Variants in RAB39A observed in about 807,000 individuals in gnomAD.
RAB39A encodes the protein ras-related protein Rab-39A.
RAB39A carries 17 observed loss-of-function variants against 20.9 expected under a neutral mutation model. The ratio of observed to expected loss-of-function variants is 0.81; its 90% CI spans 0.56 to 1.22. RAB39A has a LOEUF of 1.22. Ranked by LOEUF, RAB39A falls within the 50% of genes most tolerant of loss-of-function variation. The pLI, the probability that RAB39A is intolerant of heterozygous loss-of-function variation, is 0.00. For synonymous variants in RAB39A, 99 were observed against 103.4 expected (o/e 0.96, Z 0.26); for missense variants, 234 against 270.5 (o/e 0.87, Z 0.95).
At chr11:107,943,056 C>G (rs1191240073) in intron 1 of RAB39A, among the ~76,000 whole-genome samples, 1 of 152,194 alleles carries the variant, frequency 6.6e-6, no homozygotes, top group Non-Finnish European at 1.5e-5. Context: ...CTGTGCAATA[C>G]TCAGTGACTA....
chr11:107,931,430 T>C (rs1010199171), intron 1 of RAB39A, among the ~76,000 whole-genome samples: 2 of 152,256 alleles, frequency 1.3e-5, no homozygotes, highest in Non-Finnish European at 2.9e-5. Flanking sequence ...TTTGTTTGGC[T>C]CTTTACCAAA....
intron 1 of RAB39A, among the ~76,000 whole-genome samples, chr11:107,960,270 A>G (rs1434137474): frequency 6.6e-6 from 1 of 152,234 alleles, no homozygotes; most frequent in East Asian, 1.9e-4. Flanking sequence ...TTTGCCATGC[A>G]GTATGATTGA....
chr11:107,943,708 C>T (rs1429069716), intron 1 of RAB39A, among the ~76,000 whole-genome samples: 2 of 152,146 alleles, frequency 1.3e-5, no homozygotes, highest in East Asian at 3.8e-4. Context: ...TCCATACAGT[C>T]TCTGTACTGG....
chr11:107,960,627 C>G (rs966341993), intron 1 of RAB39A, among the ~76,000 whole-genome samples: 1 of 152,098 alleles, frequency 6.6e-6, no homozygotes, highest in African/African-American at 2.4e-5. Context: ...TCCAGAGATA[C>G]AATCAGCATC....
intron 1 of RAB39A, among the ~76,000 whole-genome samples, chr11:107,935,450 C>CT (rs1861183767): frequency 6.6e-6 from 1 of 151,282 alleles, no homozygotes; most frequent in Non-Finnish European, 1.5e-5. Flanking sequence ...TCTCGGCTCA[C>CT]TGCAAGCTCC....
At position 107,936,143 on chromosome 11, in the gene RAB39A, G is replaced by A. The variant is rs191170936; in HGVS notation, c.227+7348G>A. Among the ~76,000 whole-genome samples, 34 of 151,726 alleles carry A rather than the reference G, an allele frequency of 2.2e-4. No homozygotes were observed. The East Asian group carries it at 5.7e-3, about 25-fold the overall frequency. ...TCGAATTCCTGACCTCAAGTGATCC[G>A]CCCACCTCGGCCTCCCAAAGTGGTG... is the stretch of plus-strand genomic sequence containing the variant. On this transcript the variant is annotated intron_variant, in intron 1 of 1. Transcript: ENST00000320578.
intron 1 of RAB39A, among the ~76,000 whole-genome samples, chr11:107,945,829 G>A (rs893566561): frequency 6.6e-6 from 1 of 152,160 alleles, no homozygotes; most frequent in African/African-American, 2.4e-5. Context: ...TCTTTGGCTG[G>A]AAGCACCAGG....
chr11:107,950,496 G>A (rs1861366545), intron 1 of RAB39A, among the ~76,000 whole-genome samples: 1 of 152,144 alleles, frequency 6.6e-6, no homozygotes, highest in African/African-American at 2.4e-5. Context: ...TCTGGGCGCG[G>A]TGGCTCATGC....
At chr11:107,943,340 G>A (rs902590175) in intron 1 of RAB39A, among the ~76,000 whole-genome samples, 6 of 152,130 alleles carry the variant, frequency 3.9e-5, no homozygotes, top group African/African-American at 1.4e-4. Flanking sequence ...GGGAGGCCCA[G>A]GTGGGCGGAT....
Position 107,940,432 on chromosome 11 carries a change from T to A in RAB39A, c.227+11637T>A, listed in dbSNP as rs1861247597. ...GCGCACGCCACCACGCCTGGCTAAT[T>A]TTTGTATTTTTAATAGAGAAGGGGT... On this transcript the variant is annotated intron_variant, in intron 1 of 1. Coordinates refer to ENST00000320578, the MANE Select transcript of RAB39A (RefSeq NM_017516.3). Among the ~76,000 whole-genome samples the A allele has an allele frequency of 2.0e-5, 3 of 151,770 alleles. No individual in the cohort carries two copies. The South Asian group carries it at 6.2e-4, about 31-fold the overall frequency.
chr11:107,945,117 G>T (rs1019644107), intron 1 of RAB39A, among the ~76,000 whole-genome samples: 3 of 151,570 alleles, frequency 2.0e-5, no homozygotes, highest in African/African-American at 7.3e-5. Flanking sequence ...CCAGGGGGCG[G>T]AGGTTGCAGT....
chr11:107,942,003 G>T (rs1352456561), intron 1 of RAB39A, among the ~76,000 whole-genome samples: 3 of 150,146 alleles, frequency 2.0e-5, no homozygotes, highest in Non-Finnish European at 2.9e-5. Context: ...GGAGGCTGAG[G>T]CAGGAGAATC....
intron 1 of RAB39A, among the ~76,000 whole-genome samples, chr11:107,937,936 G>A (rs1775767397): frequency 6.6e-6 from 1 of 152,044 alleles, no homozygotes; most frequent in Non-Finnish European, 1.5e-5. Context: ...ATACTAAGTA[G>A]GTATTATGGG....
chr11:107,933,114 C>T (rs1224283422), intron 1 of RAB39A, among the ~76,000 whole-genome samples: 2 of 151,914 alleles, frequency 1.3e-5, no homozygotes, highest in South Asian at 2.1e-4. Context: ...CCATAAAAAG[C>T]GTTTAAAGTT....
chr11:107,953,386 C>T (rs1361915644), intron 1 of RAB39A, among the ~76,000 whole-genome samples: 1 of 152,084 alleles, frequency 6.6e-6, no homozygotes, highest in African/African-American at 2.4e-5. Flanking sequence ...GGTTGAGGTG[C>T]AGAGACTTGA....
chr11:107,947,981 TACACAC>T (rs58579239), intron 1 of RAB39A, among the ~76,000 whole-genome samples: 34 of 148,734 alleles, frequency 2.3e-4, no homozygotes, highest in East Asian at 1.8e-3. Context: ...TACACACACG[TACACAC>T]ACACACACAC....
intron 1 of RAB39A, among the ~76,000 whole-genome samples, chr11:107,940,299 C>G (rs1328563266): frequency 6.6e-6 from 1 of 151,744 alleles, no homozygotes; most frequent in African/African-American, 2.4e-5. Flanking sequence ...GAGTCACATT[C>G]TGTCACCTAG....
intron 1 of RAB39A, among the ~76,000 whole-genome samples, chr11:107,961,073 A>G (rs1477102799): frequency 6.6e-6 from 1 of 152,178 alleles, no homozygotes; most frequent in Non-Finnish European, 1.5e-5. Flanking sequence ...CTGTTTCTTG[A>G]ATAGGTGCAA....
intron 1 of RAB39A, among the ~76,000 whole-genome samples, chr11:107,941,374 A>G (rs1861257132): frequency 6.6e-6 from 1 of 152,146 alleles, no homozygotes; most frequent in African/African-American, 2.4e-5. Flanking sequence ...AATTCCTTAA[A>G]TTTTAGGAAT....
Sources: gnomAD v4.1 joint callset for allele counts (sites outside exome capture counted in the v4.1 genomes callset) on GRCh38, gnomAD v4.1.1 for gene constraint, MANE v1.5 for transcripts, NCBI Gene and HGNC (gene_info 2026-07-23, HGNC 2026-07-21) for gene names.